Variants in ABCC6 observed in about 807,000 individuals in gnomAD.
ABCC6 encodes ATP-binding cassette sub-family C member 6.
A neutral mutation model predicts 169.5 loss-of-function variants in ABCC6; 126 were observed. The ratio of observed to expected loss-of-function variants is 0.74; its 90% CI spans 0.64 to 0.86. The LOEUF is 0.86. ABCC6 is among the 40% of genes least tolerant of loss of function. The pLI is 0.00. For missense variants in ABCC6, 1,733 were observed against 1,927.2 expected, an observed-to-expected ratio of 0.90 and a Z score of 1.89; for synonymous variants, 752 against 814.7, an observed-to-expected ratio of 0.92 and a Z score of 1.31.
chr16:16,169,958 G>A, intron 21 of ABCC6, 105 bp from the exon 22 acceptor site: 6 of 1,174,112 alleles, frequency 5.1e-6, no homozygotes, highest in Non-Finnish European at 7.4e-6. Context: ...CATGGCAGAT[G>A]GGACCACCAC....
At chr16:16,198,732 G>A (rs562134405) in intron 9 of ABCC6, among the ~76,000 whole-genome samples, 4 of 150,144 alleles carry the variant, frequency 2.7e-5, no homozygotes, top group South Asian at 4.3e-4. Flanking sequence ...GGTGCCTCAC[G>A]TCTATAATCC....
At chr16:16,212,516 G>C (rs926550932) in intron 5 of ABCC6, among the ~76,000 whole-genome samples, 1 of 150,616 alleles carries the variant, frequency 6.6e-6, no homozygotes, top group African/African-American at 2.5e-5. Flanking sequence ...CACCATGTTG[G>C]CCAGGCTGGT....
intron 7 of ABCC6, among the ~76,000 whole-genome samples, chr16:16,204,869 C>A (rs1448464798): frequency 4.1e-5 from 6 of 144,864 alleles, no homozygotes; most frequent in African/African-American, 1.5e-4. Flanking sequence ...GAGTTTCGCT[C>A]TTGTCGCCCA....
At chr16:16,160,678 T>C (rs946896642) in intron 25 of ABCC6, among the ~76,000 whole-genome samples, 1 of 140,132 alleles carries the variant, frequency 7.1e-6, no homozygotes, top group Admixed American at 7.4e-5. Context: ...TGGTGGTGCA[T>C]GCTTGTAGTC....
chr16:16,193,274 A>G (rs888178566), intron 10 of ABCC6, among the ~76,000 whole-genome samples: 1 of 152,164 alleles, frequency 6.6e-6, no homozygotes, highest in Admixed American at 6.5e-5. Context: ...AAGTTACCCT[A>G]TATGGTCTAA....
chr16:16,161,675 G>A, intron 24 of ABCC6, 111 bp from the exon 25 acceptor site: 1 of 1,446,052 alleles, frequency 6.9e-7, no homozygotes. Context: ...AGGGGTCCCA[G>A]CAATGGCCTC....
chr16:16,178,281 C>T (rs1038776538), intron 18 of ABCC6, among the ~76,000 whole-genome samples: 16 of 151,834 alleles, frequency 1.1e-4, no homozygotes, highest in Admixed American at 7.9e-4. Flanking sequence ...GAGCGGAGAT[C>T]GCACCACTGC....
At chr16:16,186,858 G>A (rs971038005) in intron 14 of ABCC6, among the ~76,000 whole-genome samples, 18 of 152,096 alleles carry the variant, frequency 1.2e-4, no homozygotes, top group Non-Finnish European at 5.9e-5. Flanking sequence ...AAAGCTTGGG[G>A]ACCACTGTGT....
At chr16:16,212,799 A>C (rs556271193) in intron 5 of ABCC6, among the ~76,000 whole-genome samples, 1 of 152,134 alleles carries the variant, frequency 6.6e-6, no homozygotes, top group South Asian at 2.1e-4. Flanking sequence ...TGAAACCAAA[A>C]CCTTGCTTTG....
In ABCC6 at chr16:16,208,856, C is replaced by A; in HGVS notation, c.666G>T (p.Leu222=). The change falls in exon 7 of 31, where the codon CTG becomes CTT. Residue 222 remains leucine (L), a synonymous_variant. Transcript: ENST00000205557. ...SKATFWWVSG[L]VWRGYRRPLR... ...GTGGCCTCCTGTATCCCCTCCAGAC[C>A]AGGCTGCAAAAGAGGGGCACCAGGG... 1 of 1,613,468 alleles carries A rather than the reference C, an allele frequency of 6.2e-7. No individual in the cohort carries two copies. The highest frequency in any genetic ancestry group is 8.5e-7 in the Non-Finnish European group (1 of 1,179,744).
chr16:16,195,560 G>A (rs1365169895), intron 10 of ABCC6, among the ~76,000 whole-genome samples: 1 of 151,980 alleles, frequency 6.6e-6, no homozygotes, highest in East Asian at 1.9e-4. Context: ...TGTTCTGCCG[G>A]CCTTCACCTC....
chr16:16,182,756 A>G (rs2152259371), intron 16 of ABCC6, 48 bp downstream of exon 16: 1 of 1,611,864 alleles, frequency 6.2e-7, no homozygotes, highest in Non-Finnish European at 8.5e-7. Context: ...AGGAAGTGGG[A>G]CTTTCAGGAT....
At chr16:16,155,328 C>T in intron 27 of ABCC6, 1 of 521,644 alleles carries the variant, frequency 1.9e-6, no homozygotes, top group Non-Finnish European at 3.4e-6. Context: ...ACCTCTCCAT[C>T]ATCTCTCATC....
chr16:16,192,838 G>T lies in ABCC6; in HGVS notation c.1423C>A (p.His475Asn). 2 of 1,613,876 alleles carry T rather than the reference G, an allele frequency of 1.2e-6. No homozygotes were observed. Among genetic ancestry groups the T allele is most frequent in the Non-Finnish European group, 1.7e-6 (2 of 1,179,836 alleles). ...TTTCCCAAAAGCCAAACCTGATGGT[G>T]GTTCCTTTTCTTGGAGATGAAGAAA... ...LNFFISKKRNHHQEEQMRQKD... is the reference protein window; with the variant it reads ...LNFFISKKRNNHQEEQMRQKD... The change falls in exon 11 of 31, where the codon CAC (histidine) becomes AAC (asparagine). Residue 475 changes from histidine (H) to asparagine (N), a missense_variant. By Grantham distance (68) the His-to-Asn change is moderately conservative (BLOSUM62 1). Transcript: ENST00000205557.
chr16:16,160,769 C>T (rs4781730), intron 25 of ABCC6, among the ~76,000 whole-genome samples: 35,117 of 151,752 alleles, frequency 0.23, 4,659 homozygotes, highest in Admixed American at 0.29. Context: ...CATGCCACTG[C>T]ACTCAAGCCT....
chr16:16,165,496 G>T, intron 23 of ABCC6, 127 bp downstream of exon 23: 1 of 975,186 alleles, frequency 1.0e-6, no homozygotes. Context: ...CCTGTCCCTG[G>T]GAATTCTAGG....
At chr16:16,210,054 T>C (rs1022632444) in intron 6 of ABCC6, among the ~76,000 whole-genome samples, 3 of 152,100 alleles carry the variant, frequency 2.0e-5, no homozygotes, top group Admixed American at 1.3e-4. Flanking sequence ...ATCTTTCTGA[T>C]GACACCAGCC....
chr16:16,192,907 C>T lies in ABCC6; in HGVS notation c.1354G>A (p.Ala452Thr), dbSNP rs761364455. 72 of 1,613,922 alleles carry T rather than the reference C, an allele frequency of 4.5e-5. 1 individual carries two copies. The highest frequency in any genetic ancestry group is 8.9e-5 in the East Asian group (4 of 44,894). The change falls in exon 11 of 31, where the codon GCC becomes ACC. Residue 452 changes from alanine to threonine, a missense_variant. Ala to Thr is a moderately conservative substitution (Grantham distance 58, BLOSUM62 0). Coordinates refer to ENST00000205557, the MANE Select transcript of ABCC6 (RefSeq NM_001171.6). ...AGGAAGACAGCGATGGCAGTGAGGG[C>T]GGAGGGCCCCAGGAGCTGGGGATAG... is the stretch of plus-strand genomic sequence containing the variant. ...VYLWQLLGPS[A>T]LTAIAVFLSL...
At chr16:16,189,264 C>G (rs2047759758) in intron 12 of ABCC6, among the ~76,000 whole-genome samples, 1 of 152,228 alleles carries the variant, frequency 6.6e-6, no homozygotes, top group Non-Finnish European at 1.5e-5. Flanking sequence ...CCTCTAGGTT[C>G]CAGGCATCGG....
Sources: gnomAD v4.1 joint callset for allele counts (sites outside exome capture counted in the v4.1 genomes callset) on GRCh38, gnomAD v4.1.1 for gene constraint, MANE v1.5 for transcripts, NCBI Gene and HGNC (gene_info 2026-07-23, HGNC 2026-07-21) for gene names.